The following WWC2 variants were observed in gnomAD, a reference collection of about 807,000 sequenced individuals.
The protein encoded by WWC2 is protein WWC2.
Under a neutral mutation model 138.5 loss-of-function variants are expected in WWC2, and 101 were observed. That is an observed-to-expected ratio of 0.73 (90% CI 0.62 to 0.86). WWC2 has a LOEUF of 0.86. Ranked by LOEUF, WWC2 falls within the 40% of genes least tolerant of loss-of-function variation. The probability of loss-of-function intolerance (pLI) is 0.00; values close to 1 mark genes in which losing one functional copy is unlikely to be tolerated. For missense variants in WWC2, 1,420 were observed against 1,419.4 expected, an observed-to-expected ratio of 1.00 and a Z score of -0.01; for synonymous variants, 558 against 538.4, an observed-to-expected ratio of 1.04 and a Z score of -0.50.
intron 4 of WWC2, among the ~76,000 whole-genome samples, chr4:183,234,430 T>G (rs535098882): frequency 6.6e-6 from 1 of 152,346 alleles, no homozygotes; most frequent in African/African-American, 2.4e-5. Context: ...TGTGGGCCTT[T>G]CATGTCTTCA....
intron 4 of WWC2, among the ~76,000 whole-genome samples, chr4:183,236,262 G>A (rs1736420654): frequency 6.6e-6 from 1 of 152,088 alleles, no homozygotes; most frequent in Non-Finnish European, 1.5e-5. Context: ...GTATAATTTT[G>A]AAAAAGGAAA....
At chr4:183,246,784 A>G (rs547017573) in intron 6 of WWC2, among the ~76,000 whole-genome samples, 1 of 152,316 alleles carries the variant, frequency 6.6e-6, no homozygotes, top group Non-Finnish European at 1.5e-5. Context: ...AACACATGCA[A>G]GACTTTACTT....
At chr4:183,310,306 G>A (rs1002616819) in intron 21 of WWC2, among the ~76,000 whole-genome samples, 1 of 152,108 alleles carries the variant, frequency 6.6e-6, no homozygotes, top group Non-Finnish European at 1.5e-5. Context: ...AGTCGGGGCA[G>A]GGAGTCAATG....
chr4:183,152,653 G>A (rs1232514610), intron 1 of WWC2, among the ~76,000 whole-genome samples: 1 of 152,024 alleles, frequency 6.6e-6, no homozygotes, highest in Admixed American at 6.5e-5. Context: ...GAGAGGCCAA[G>A]GCGGCAGATC....
At chr4:183,257,668 G>T (rs370506630) in intron 9 of WWC2, among the ~76,000 whole-genome samples, 1 of 152,166 alleles carries the variant, frequency 6.6e-6, no homozygotes. Flanking sequence ...TGAAATACAC[G>T]TGGATTCTGA....
intron 1 of WWC2, among the ~76,000 whole-genome samples, chr4:183,153,414 A>G (rs971309487): frequency 6.6e-6 from 1 of 152,156 alleles, no homozygotes; most frequent in African/African-American, 2.4e-5. Flanking sequence ...CATTCCAGAT[A>G]CATTTGGTAA....
At chr4:183,106,053 C>G (rs1335518570) in intron 1 of WWC2, among the ~76,000 whole-genome samples, 1 of 151,094 alleles carries the variant, frequency 6.6e-6, no homozygotes, top group Non-Finnish European at 1.5e-5. Flanking sequence ...GATTTCGGCT[C>G]ACTACAGCCT....
chr4:183,300,595 A>G (rs1306502145), intron 21 of WWC2, among the ~76,000 whole-genome samples: 3 of 152,138 alleles, frequency 2.0e-5, no homozygotes, highest in Non-Finnish European at 2.9e-5. Context: ...TTAGCAGCTG[A>G]TAATAATTCT....
intron 9 of WWC2, among the ~76,000 whole-genome samples, chr4:183,258,955 A>G (rs1033830210): frequency 6.9e-6 from 1 of 144,136 alleles, no homozygotes. Context: ...ACAGTTCTAT[A>G]ATGCTGTACT....
chr4:183,224,495 A>G (rs1736015193), intron 4 of WWC2, among the ~76,000 whole-genome samples: 1 of 152,188 alleles, frequency 6.6e-6, no homozygotes, highest in African/African-American at 2.4e-5. Context: ...AAACTGTGCC[A>G]TATCTCTGTC....
intron 1 of WWC2, among the ~76,000 whole-genome samples, chr4:183,150,864 G>A (rs1013343304): frequency 2.0e-5 from 3 of 152,114 alleles, no homozygotes; most frequent in African/African-American, 4.8e-5. Flanking sequence ...CAAAGGACAC[G>A]AACTCATCCT....
At chr4:183,155,227 A>T (rs1159682607) in intron 1 of WWC2, among the ~76,000 whole-genome samples, 4 of 143,222 alleles carry the variant, frequency 2.8e-5, no homozygotes, top group African/African-American at 1.0e-4. Context: ...AGAGAGAGTT[A>T]GTTGACGTGG....
At chr4:183,287,473 C>T (rs973074471) in intron 20 of WWC2, among the ~76,000 whole-genome samples, 4 of 152,060 alleles carry the variant, frequency 2.6e-5, no homozygotes, top group Admixed American at 1.3e-4. Flanking sequence ...GTTTATGAAT[C>T]GAGTGGAGTT....
At chr4:183,172,574 T>TG (rs1734325259) in intron 1 of WWC2, among the ~76,000 whole-genome samples, 2 of 147,310 alleles carry the variant, frequency 1.4e-5, no homozygotes, top group Non-Finnish European at 3.0e-5. Context: ...TTTTTTTTTT[T>TG]GTTATTGTTA....
In WWC2 at chr4:183,315,738, C is replaced by T. The variant is rs746026468; in HGVS notation, c.*9C>T. 4 of 1,605,936 alleles carry T rather than the reference C, an allele frequency of 2.5e-6. No individual in the cohort carries two copies. In the Admixed American group the frequency reaches 6.7e-5, roughly 27 times the overall value. On this transcript the variant is annotated 3_prime_UTR_variant, in exon 23 of 23. Transcript: ENST00000403733. ...CAGCTGATGATGTGTGATTACATGA[C>T]TTAAGAAATTATTTTTTCATCTGTT...
chr4:183,190,219 T>G (rs1734952597), intron 1 of WWC2, among the ~76,000 whole-genome samples: 1 of 152,232 alleles, frequency 6.6e-6, no homozygotes, highest in African/African-American at 2.4e-5. Context: ...AAAAACAAAC[T>G]CCATCCATTT....
intron 21 of WWC2, among the ~76,000 whole-genome samples, chr4:183,302,971 G>A (rs1738904361): frequency 6.6e-6 from 1 of 151,366 alleles, no homozygotes; most frequent in African/African-American, 2.4e-5. Flanking sequence ...GGCAGAGGCA[G>A]GAGAATTGCT....
chr4:183,256,535 C>T (rs1046330043), intron 9 of WWC2, among the ~76,000 whole-genome samples: 9 of 152,104 alleles, frequency 5.9e-5, no homozygotes, highest in African/African-American at 2.2e-4. Flanking sequence ...TGCACTGACG[C>T]CGGGAGTTTA....
chr4:183,254,273 G>T (rs1460130296), intron 9 of WWC2, among the ~76,000 whole-genome samples: 3 of 152,178 alleles, frequency 2.0e-5, no homozygotes, highest in African/African-American at 7.2e-5. Context: ...GATGAAGTCT[G>T]ATAACAATAG....
Sources: gnomAD v4.1 joint callset for allele counts (sites outside exome capture counted in the v4.1 genomes callset) on GRCh38, gnomAD v4.1.1 for gene constraint, MANE v1.5 for transcripts, NCBI Gene and HGNC (gene_info 2026-07-23, HGNC 2026-07-21) for gene names.